The following MAEA variants were observed in gnomAD, a reference collection of about 807,000 sequenced individuals.
MAEA encodes the protein E3 ubiquitin-protein transferase MAEA.
A neutral mutation model predicts 46.2 loss-of-function variants in MAEA; 22 were observed. The observed-to-expected ratio is 0.48, with a 90% CI of 0.34 to 0.68. The LOEUF is 0.68. MAEA is among the 30% of genes least tolerant of loss of function. MAEA has a pLI of 0.01. For missense variants in MAEA, 393 were observed against 558.1 expected, an observed-to-expected ratio of 0.70 and a Z score of 2.98; for synonymous variants, 246 against 222.6, an observed-to-expected ratio of 1.11 and a Z score of -0.94.
At chr4:1,307,326 AC>A (rs532328658) in intron 1 of MAEA, among the ~76,000 whole-genome samples, 29 of 151,930 alleles carry the variant, frequency 1.9e-4, no homozygotes, top group Admixed American at 7.2e-4. Flanking sequence ...CCTCCTCCCC[AC>A]CCCAGCCCCT....
intron 3 of MAEA, among the ~76,000 whole-genome samples, chr4:1,317,726 A>G (rs1011415932): frequency 6.6e-6 from 1 of 152,120 alleles, no homozygotes; most frequent in African/African-American, 2.4e-5. Flanking sequence ...CGTGAATGTG[A>G]TGTGTCACAG....
At chr4:1,308,461 G>T (rs543032427) in intron 1 of MAEA, among the ~76,000 whole-genome samples, 2 of 152,328 alleles carry the variant, frequency 1.3e-5, no homozygotes, top group South Asian at 4.1e-4. Flanking sequence ...GTGGCCTACT[G>T]GGGACTCAGG....
intron 1 of MAEA, among the ~76,000 whole-genome samples, chr4:1,309,156 A>G (rs540252828): frequency 2.0e-5 from 3 of 152,286 alleles, no homozygotes; most frequent in Non-Finnish European, 4.4e-5. Flanking sequence ...TCACTAAGCA[A>G]TATTTCTGAG....
Position 1,327,621 on chromosome 4 carries a change from C to T in MAEA, c.580-6C>T, listed in dbSNP as rs1439064100. The T allele has an allele frequency of 6.2e-7, 1 of 1,612,766 alleles. No individual in the cohort carries two copies. The highest frequency in any genetic ancestry group is 1.3e-5 in the African/African-American group (1 of 74,922). On this transcript the variant is annotated splice_region_variant and splice_polypyrimidine_tract_variant and intron_variant, in intron 4 of 8. Transcript: ENST00000303400. ...GTCTAAGCCCTCGTCTTGTCTTTGCCCTCAGAGCTGCCTGGAGTTCAGCCT... is the reference window on the plus strand; with the variant it reads ...GTCTAAGCCCTCGTCTTGTCTTTGCTCTCAGAGCTGCCTGGAGTTCAGCCT...
intron 4 of MAEA, among the ~76,000 whole-genome samples, chr4:1,322,787 T>TCTAACACA (rs1738294491): frequency 6.6e-6 from 1 of 152,126 alleles, no homozygotes; most frequent in Admixed American, 6.5e-5. Context: ...TTGGGGCTGC[T>TCTAACACA]GGGCTTAGAG....
chr4:1,327,754 G>A, intron 5 of MAEA, 51 bp downstream of exon 5: 1 of 1,530,454 alleles, frequency 6.5e-7, no homozygotes, highest in Non-Finnish European at 9.0e-7. Context: ...ATGTTCGGCT[G>A]CGGCCCCTGC....
chr4:1,303,986 C>G (rs1451722932), intron 1 of MAEA, among the ~76,000 whole-genome samples: 1 of 151,366 alleles, frequency 6.6e-6, no homozygotes, highest in African/African-American at 2.4e-5. Context: ...GTGTGTAGCT[C>G]TGCACACAGG....
intron 6 of MAEA, chr4:1,334,769 G>A (rs1303614111): frequency 3.9e-5 from 24 of 620,726 alleles, no homozygotes; most frequent in South Asian, 7.2e-5. Context: ...TTTGTTCAGA[G>A]AATGGCAGAA....
chr4:1,328,123 C>T (rs1006271737), intron 5 of MAEA, among the ~76,000 whole-genome samples: 3 of 152,250 alleles, frequency 2.0e-5, no homozygotes, highest in Non-Finnish European at 4.4e-5. Context: ...GGGAATGTCC[C>T]TCACAGTCAT....
intron 1 of MAEA, chr4:1,309,723 C>A: frequency 6.6e-7 from 1 of 1,519,464 alleles, no homozygotes; most frequent in Non-Finnish European, 8.8e-7. Context: ...GTGAGCCCCT[C>A]CCCGGCCTCC....
At chr4:1,318,176 C>T (rs562592293) in intron 3 of MAEA, among the ~76,000 whole-genome samples, 1 of 152,364 alleles carries the variant, frequency 6.6e-6, no homozygotes, top group East Asian at 1.9e-4. Context: ...GGGGCGGCCC[C>T]CCGTGTGTTC....
At chr4:1,327,311 C>T (rs943378722) in intron 4 of MAEA, among the ~76,000 whole-genome samples, 2 of 152,252 alleles carry the variant, frequency 1.3e-5, no homozygotes, top group Non-Finnish European at 2.9e-5. Context: ...GCACCTGCTG[C>T]TCTGCCCTCC....
At position 1,326,874 on chromosome 4, in the gene MAEA, C is replaced by G. The variant is rs893931219; in HGVS notation, c.580-753C>G. On this transcript the variant is annotated intron_variant, in intron 4 of 8. Transcript: ENST00000303400. ...TGTCTGTGCGGTCCCCCGTCCATAA[C>G]CTCGGTGCAGGCGCTCCCCGCCCTA... Among the ~76,000 whole-genome samples, 10 of 152,352 alleles carry G rather than the reference C, an allele frequency of 6.6e-5. 1 individual carries two copies. The highest frequency in any genetic ancestry group is 6.8e-3 in the Middle Eastern group (2 of 294).
chr4:1,329,110 G>C, intron 5 of MAEA: 1 of 985,572 alleles, frequency 1.0e-6, no homozygotes, highest in Non-Finnish European at 1.2e-6. Flanking sequence ...CCTGGAGTCT[G>C]AAAACAAAAC....
chr4:1,314,640 A>T (rs986214409), intron 2 of MAEA, among the ~76,000 whole-genome samples: 2 of 152,252 alleles, frequency 1.3e-5, no homozygotes, highest in Non-Finnish European at 2.9e-5. Flanking sequence ...ACCAGGTCAG[A>T]ATCCGACACA....
At chr4:1,324,461 G>A (rs1489316901) in intron 4 of MAEA, among the ~76,000 whole-genome samples, 1 of 150,730 alleles carries the variant, frequency 6.6e-6, no homozygotes, top group East Asian at 2.0e-4. Context: ...GAGATTGGAT[G>A]CCTGGTGGAT....
intron 1 of MAEA, among the ~76,000 whole-genome samples, chr4:1,291,879 TA>T: frequency 6.6e-6 from 1 of 152,226 alleles, no homozygotes. Flanking sequence ...TATAGTGTCA[TA>T]ATTTCTCTGT....
intron 1 of MAEA, chr4:1,309,299 A>G: frequency 1.2e-5 from 5 of 417,960 alleles, no homozygotes; most frequent in Non-Finnish European, 1.7e-5. Context: ...CTGAAATTCC[A>G]CTCACTCGGT....
intron 2 of MAEA, among the ~76,000 whole-genome samples, chr4:1,313,478 C>T (rs532215955): frequency 6.6e-6 from 1 of 152,250 alleles, no homozygotes; most frequent in South Asian, 2.1e-4. Context: ...ACCTGGAAAG[C>T]ACTGTGGAAA....
Sources: gnomAD v4.1 joint callset for allele counts (sites outside exome capture counted in the v4.1 genomes callset) on GRCh38, gnomAD v4.1.1 for gene constraint, MANE v1.5 for transcripts, NCBI Gene and HGNC (gene_info 2026-07-23, HGNC 2026-07-21) for gene names.